The following CTNNA3 variants were observed in gnomAD, a reference collection of about 807,000 sequenced individuals.
CTNNA3 encodes catenin alpha 3.
In CTNNA3, 76 loss-of-function variants were observed where a neutral mutation model predicts 95.7. The observed-to-expected ratio is 0.79, with a 90% CI of 0.66 to 0.96. The LOEUF (loss-of-function observed/expected upper bound fraction) is 0.96, where lower values mean the gene tolerates loss of function less well. Among genes scored for constraint, CTNNA3 ranks in the 40% least tolerant of loss-of-function variants. The pLI is 0.00. For missense variants in CTNNA3, 1,191 were observed against 1,089.8 expected (o/e 1.09, Z -1.31); for synonymous variants, 431 against 374.4 (o/e 1.15, Z -1.74).
intron 10 of CTNNA3, among the ~76,000 whole-genome samples, chr10:66,589,214 C>T (rs1226432572): frequency 6.6e-6 from 1 of 151,568 alleles, no homozygotes; most frequent in Non-Finnish European, 1.5e-5. Flanking sequence ...TCATTGGTCA[C>T]ATCACATCCA....
intron 12 of CTNNA3, among the ~76,000 whole-genome samples, chr10:66,299,276 G>A (rs576985452): frequency 6.6e-6 from 1 of 152,058 alleles, no homozygotes; most frequent in Non-Finnish European, 1.5e-5. Flanking sequence ...CCTCGACCTT[G>A]GCAAAATAAA....
rs577512021 is a variant in CTNNA3, at chr10:67,738,811, C to A, written c.-2+24623G>T. Among the ~76,000 whole-genome samples the A allele has an allele frequency of 1.8e-3, 281 of 151,926 alleles. 1 individual carries two copies. The highest frequency in any genetic ancestry group is 6.6e-3 in the African/African-American group (272 of 41,412). On this transcript the variant is annotated intron_variant, in intron 1 of 17. Coordinates refer to the CTNNA3 transcript ENST00000684154. ...ATAACGAATGCACAAGCCTCGGAAG[C>A]CAATTCAATGAACTGGAAGAAAGGG...
intron 11 of CTNNA3, among the ~76,000 whole-genome samples, chr10:66,446,512 G>T (rs1187210442): frequency 6.6e-6 from 1 of 150,950 alleles, no homozygotes; most frequent in Non-Finnish European, 1.5e-5. Flanking sequence ...ATGCAAGGCT[G>T]GTTTAACATT....
chr10:67,682,702 T>C (rs1036185772), intron 1 of CTNNA3, among the ~76,000 whole-genome samples: 6 of 152,202 alleles, frequency 3.9e-5, no homozygotes, highest in Non-Finnish European at 8.8e-5. Context: ...ACATTCCCAT[T>C]GATACAGCAA....
At chr10:66,739,687 G>T (rs1398741555) in intron 9 of CTNNA3, among the ~76,000 whole-genome samples, 1 of 152,092 alleles carries the variant, frequency 6.6e-6, no homozygotes, top group Admixed American at 6.6e-5. Context: ...ACATTGTTAA[G>T]ACTAATTTGT....
intron 9 of CTNNA3, among the ~76,000 whole-genome samples, chr10:66,741,353 C>G (rs551881136): frequency 5.9e-4 from 90 of 152,190 alleles, no homozygotes; most frequent in African/African-American, 2.1e-3. Context: ...AATACAAAGT[C>G]TAAAGACATT....
intron 13 of CTNNA3, among the ~76,000 whole-genome samples, chr10:66,278,531 C>G (rs1421559115): frequency 6.6e-6 from 1 of 151,964 alleles, no homozygotes; most frequent in African/African-American, 2.4e-5. Flanking sequence ...AAATTGTTCT[C>G]CTGCCCTACA....
chr10:66,448,422 C>A (rs1287111782), intron 11 of CTNNA3, among the ~76,000 whole-genome samples: 1 of 152,080 alleles, frequency 6.6e-6, no homozygotes, highest in Admixed American at 6.6e-5. Flanking sequence ...GACTTGGAAC[C>A]AACCCAAATG....
intron 17 of CTNNA3, among the ~76,000 whole-genome samples, chr10:65,928,163 T>C (rs531807884): frequency 6.6e-6 from 1 of 152,216 alleles, no homozygotes; most frequent in Non-Finnish European, 1.5e-5. Context: ...ATGCTTACTT[T>C]GTATTAATTT....
At chr10:67,746,637 T>C (rs924062099) in intron 1 of CTNNA3, among the ~76,000 whole-genome samples, 1 of 152,094 alleles carries the variant, frequency 6.6e-6, no homozygotes, top group Non-Finnish European at 1.5e-5. Flanking sequence ...CGGTGAGCAG[T>C]CGTGCTACCC....
chr10:67,605,971 A>G (rs1348217977), intron 3 of CTNNA3, among the ~76,000 whole-genome samples: 1 of 152,182 alleles, frequency 6.6e-6, no homozygotes, highest in Non-Finnish European at 1.5e-5. Context: ...GCACTCGGCC[A>G]AAAATTTTTT....
chr10:66,690,071 G>A lies in CTNNA3; in HGVS notation c.1282-68287C>T, dbSNP rs562226853. Reference sequence around the variant, plus strand: ...TAGGCCCAGAGAAATTTGGAAAAGGGAAATTAGACACAGGAGTCTTAAAGC... The same window carrying A: ...TAGGCCCAGAGAAATTTGGAAAAGGAAAATTAGACACAGGAGTCTTAAAGC... On this transcript the variant is annotated intron_variant, in intron 9 of 17. Coordinates refer to ENST00000433211, the MANE Select transcript of CTNNA3 (RefSeq NM_013266.4). Among the ~76,000 whole-genome samples, 4 of 152,212 alleles carry A rather than the reference G, an allele frequency of 2.6e-5. No homozygotes were observed. In the South Asian group the frequency reaches 8.3e-4, roughly 32 times the overall value.
intron 9 of CTNNA3, among the ~76,000 whole-genome samples, chr10:66,665,079 C>G (rs1244303474): frequency 3.3e-5 from 5 of 152,064 alleles, no homozygotes; most frequent in African/African-American, 1.2e-4. Flanking sequence ...ACAGGTCAGA[C>G]AGGTTAAGTG....
intron 15 of CTNNA3, among the ~76,000 whole-genome samples, chr10:66,012,008 C>A (rs2079014814): frequency 2.0e-5 from 3 of 152,140 alleles, no homozygotes; most frequent in Admixed American, 2.0e-4. Context: ...ATTTTGGGAA[C>A]AGACTCTTTT....
intron 5 of CTNNA3, among the ~76,000 whole-genome samples, chr10:67,227,763 G>A (rs960108425): frequency 4.0e-4 from 61 of 152,192 alleles, no homozygotes; most frequent in African/African-American, 1.4e-3. Flanking sequence ...AACAGCACAT[G>A]GAACTTTCTC....
chr10:66,162,562 C>T (rs1194982716), intron 13 of CTNNA3, among the ~76,000 whole-genome samples: 1 of 152,100 alleles, frequency 6.6e-6, no homozygotes, highest in Non-Finnish European at 1.5e-5. Context: ...TGTGAACTGC[C>T]TATGGTTCTC....
chr10:66,954,033 GC>G (rs1848671858), intron 7 of CTNNA3, among the ~76,000 whole-genome samples: 1 of 152,146 alleles, frequency 6.6e-6, no homozygotes, highest in African/African-American at 2.4e-5. Context: ...GCAAATACTA[GC>G]TGTTACTTCC....
chr10:66,330,214 C>T (rs187855631), intron 12 of CTNNA3, among the ~76,000 whole-genome samples: 3 of 151,604 alleles, frequency 2.0e-5, no homozygotes, highest in East Asian at 1.9e-4. Flanking sequence ...GCTATCCCTC[C>T]CCCCCTCTCC....
At chr10:66,198,669 A>G (rs2087119670) in intron 13 of CTNNA3, among the ~76,000 whole-genome samples, 1 of 152,062 alleles carries the variant, frequency 6.6e-6, no homozygotes, top group Non-Finnish European at 1.5e-5. Flanking sequence ...TTCTACATTC[A>G]TTAATAATTA....
Sources: gnomAD v4.1 joint callset for allele counts (sites outside exome capture counted in the v4.1 genomes callset) on GRCh38, gnomAD v4.1.1 for gene constraint, MANE v1.5 for transcripts, NCBI Gene and HGNC (gene_info 2026-07-23, HGNC 2026-07-21) for gene names.